CCDC88A: variants seen among roughly 807,000 people sequenced by gnomAD.
The protein encoded by CCDC88A is coiled-coil and HOOK domain protein 88A, also known as girdin.
A neutral mutation model predicts 234.3 loss-of-function variants in CCDC88A; 54 were observed. That is an observed-to-expected ratio of 0.23 (90% CI 0.19 to 0.29). The LOEUF (loss-of-function observed/expected upper bound fraction) is 0.29. CCDC88A is among the 10% of genes least tolerant of loss of function. CCDC88A has a pLI of 1.00. For synonymous variants in CCDC88A, 753 were observed against 737.8 expected (o/e 1.02, Z -0.33); for missense variants, 1,832 against 2,123.4 (o/e 0.86, Z 2.70).
In CCDC88A at chr2:55,296,269, T is replaced by G. The variant is rs867493115; in HGVS notation, c.5080A>C (p.Thr1694Pro). 9 of 1,614,026 alleles carry G rather than the reference T, an allele frequency of 5.6e-6. 1 individual carries two copies. The Middle Eastern group carries it at 1.5e-3, about 266-fold the overall frequency. The stretch of plus-strand genomic sequence containing the variant: ...TAGATAAAACTAACCTGTACTGAGG[T>G]AAGCTTATTGCTTTCTTCCAAAAAC... ...QQFLEESNKL[T>P]SVQIKSSSQE... is the part of the protein sequence containing the mutation. Residue 1694 changes from threonine to proline, a missense_variant, in exon 30 of 33, where the codon ACC becomes CCC. Coordinates refer to ENST00000436346, the MANE Select transcript of CCDC88A (RefSeq NM_001365480.1).
chr2:55,337,023 T>C, intron 13 of CCDC88A: 2 of 403,994 alleles, frequency 5.0e-6, no homozygotes, highest in Non-Finnish European at 4.3e-6. Flanking sequence ...TTTCTTATCC[T>C]TGTGCATCTT....
At chr2:55,303,995 G>C (rs895536951) in intron 25 of CCDC88A, among the ~76,000 whole-genome samples, 4 of 152,184 alleles carry the variant, frequency 2.6e-5, no homozygotes. Context: ...GTGCCCAGGG[G>C]ATGTTTAAAA....
rs79561130 is a variant in CCDC88A at position 55,302,970 on chromosome 2, A to G, written c.4471+99T>C. 1.6e-3 allele frequency: 1,289 copies of G among 825,046 alleles called. 4 individuals carry two copies. The highest frequency in any genetic ancestry group is 2.4e-3 in the Non-Finnish European group (1,169 of 494,464). The allele number at this position is 825,046 out of a possible 1,614,324, so 51.1% of individuals were successfully genotyped here. A position where few individuals can be genotyped will look rare whatever the true frequency, so the allele number is the denominator to read the frequency against. On this transcript the variant is annotated intron_variant, in intron 26 of 32. Transcript: ENST00000436346. ...TTAGAGGAAGACTGACCTCTGCAAA[A>G]TAAGGAAATTGGCACAGTCCAGAGA... is the stretch of plus-strand genomic sequence containing the variant.
At chr2:55,394,291 A>G (rs1208716147) in intron 2 of CCDC88A, 2 of 152,160 alleles carry the variant, frequency 1.3e-5, no homozygotes, top group Admixed American at 6.5e-5. Flanking sequence ...ATAGTATTCC[A>G]TGGTGTATAT....
intron 17 of CCDC88A, among the ~76,000 whole-genome samples, chr2:55,326,733 G>A (rs1684315370): frequency 6.6e-6 from 1 of 152,070 alleles, no homozygotes; most frequent in Non-Finnish European, 1.5e-5. Context: ...CGCCTGGCTG[G>A]CTAATTTTTG....
chr2:55,416,427 AATAAATAAATAAATAAAT>A (rs141395495), intron 2 of CCDC88A, among the ~76,000 whole-genome samples: 2,984 of 43,576 alleles, frequency 0.068, 331 homozygotes, highest in African/African-American at 0.11. Context: ...GAAGAGGTCA[AATAAATAAATAAATAAAT>A]ATATATATAT....
intron 8 of CCDC88A, among the ~76,000 whole-genome samples, chr2:55,350,784 G>A (rs914707331): frequency 6.6e-6 from 1 of 151,700 alleles, no homozygotes; most frequent in African/African-American, 2.4e-5. Context: ...CTCAGCGTCC[G>A]GAATAGCTGG....
At chr2:55,368,786 T>C (rs1006386155) in intron 5 of CCDC88A, among the ~76,000 whole-genome samples, 44 of 152,352 alleles carry the variant, frequency 2.9e-4, no homozygotes, top group African/African-American at 1.0e-3. Flanking sequence ...ATTTACATAT[T>C]AGAATTTTAA....
At position 55,419,414 on chromosome 2, in the gene CCDC88A, C is replaced by G; in HGVS notation, c.-335G>C. ...AAGACAAAAAGCCCGTCAAGGTTGT[C>G]CAGCTCCTGGAGGATCCAGACCAGC... On this transcript the variant is annotated 5_prime_UTR_variant, in exon 1 of 33. Coordinates refer to ENST00000436346, the MANE Select transcript of CCDC88A (RefSeq NM_001365480.1). 1 of 312,130 alleles carries G rather than the reference C, an allele frequency of 3.2e-6. No homozygotes were observed. Among genetic ancestry groups the G allele is most frequent in the South Asian group, 3.4e-5 (1 of 29,136 alleles). 19.3% of individuals were successfully genotyped at this position (312,130 alleles called of 1,614,324 possible).
chr2:55,389,675 T>C (rs1318436642), intron 2 of CCDC88A, among the ~76,000 whole-genome samples: 1 of 152,174 alleles, frequency 6.6e-6, no homozygotes, highest in Non-Finnish European at 1.5e-5. Flanking sequence ...GACCCCTTTG[T>C]AATCTTAATT....
At position 55,336,142 on chromosome 2, in the gene CCDC88A, T is replaced by C. The variant is rs537195519; in HGVS notation, c.1656+539A>G. Among the ~76,000 whole-genome samples, 14 of 152,180 alleles carry C rather than the reference T, an allele frequency of 9.2e-5. 1 individual carries two copies. In the South Asian group the frequency reaches 2.1e-3, roughly 22 times the overall value. ...CTAGGTGTTCGAGGTTGCAGTAAGC[T>C]ATGATTGTGCCACTGCACTCCAGCA... On this transcript the variant is annotated intron_variant, in intron 14 of 32. Coordinates refer to ENST00000436346, the MANE Select transcript of CCDC88A (RefSeq NM_001365480.1).
chr2:55,347,839 T>C (rs915116806), intron 9 of CCDC88A, among the ~76,000 whole-genome samples: 16 of 152,112 alleles, frequency 1.1e-4, no homozygotes, highest in African/African-American at 3.9e-4. Context: ...CTTCAATTCC[T>C]GGCCTCAAGT....
intron 3 of CCDC88A, among the ~76,000 whole-genome samples, chr2:55,387,779 CAAA>C (rs66479611): frequency 3.1e-5 from 2 of 64,850 alleles, no homozygotes; most frequent in Middle Eastern, 8.8e-3. Context: ...GGCTCCATCT[CAAA>C]AAAAAAAAAA....
At chr2:55,411,341 G>T (rs563528313) in intron 2 of CCDC88A, among the ~76,000 whole-genome samples, 1 of 151,976 alleles carries the variant, frequency 6.6e-6, no homozygotes, top group Non-Finnish European at 1.5e-5. Flanking sequence ...AATACTCTCA[G>T]GTATAACAAC....
At position 55,384,502 on chromosome 2, in the gene CCDC88A, TGAA is replaced by T. The variant is rs200012467; in HGVS notation, c.273+4273_273+4275del. Reference sequence around the variant, plus strand: ...TTTAATTATATATTTAATTATATATTGAATATTATATATAAATTATATATATAT... The same window carrying T: ...TTTAATTATATATTTAATTATATATTTATTATATATAAATTATATATATAT... On this transcript the variant is annotated intron_variant, in intron 3 of 32. Coordinates refer to ENST00000436346, the MANE Select transcript of CCDC88A (RefSeq NM_001365480.1). 8.6e-4 allele frequency among the ~76,000 whole-genome samples: 113 copies of T among 131,320 alleles called. 2 individuals are homozygous for T. The highest frequency in any genetic ancestry group is 3.5e-3 in the African/African-American group (106 of 30,150). The allele number at this position is 131,320 out of a possible 152,430, so 86.2% of individuals were successfully genotyped here.
At chr2:55,401,747 C>A (rs924623046) in intron 2 of CCDC88A, among the ~76,000 whole-genome samples, 3 of 151,688 alleles carry the variant, frequency 2.0e-5, no homozygotes, top group Admixed American at 2.0e-4. Context: ...CAGACACAGC[C>A]TTTCATGTTT....
chr2:55,380,061 TAAAAAAAAA>T (rs57314271), intron 3 of CCDC88A, among the ~76,000 whole-genome samples: 2 of 75,368 alleles, frequency 2.7e-5, no homozygotes, highest in African/African-American at 5.6e-5. Context: ...CTGTCTCTAC[TAAAAAAAAA>T]AAAAAAAAAA....
intron 9 of CCDC88A, among the ~76,000 whole-genome samples, chr2:55,346,702 A>G (rs6710128): frequency 0.061 from 9,238 of 152,176 alleles, 892 homozygotes; most frequent in African/African-American, 0.2. Context: ...TTACAGGCGT[A>G]AGCCACCGCA....
intron 8 of CCDC88A, among the ~76,000 whole-genome samples, chr2:55,355,144 A>G (rs1278240043): frequency 1.3e-5 from 2 of 152,008 alleles, no homozygotes; most frequent in Non-Finnish European, 2.9e-5. Context: ...ATACAAAACT[A>G]TTTTTTGTTA....
Sources: allele counts gnomAD v4.1 joint callset (sites outside exome capture counted in the v4.1 genomes callset), GRCh38; gene constraint gnomAD v4.1.1; transcripts MANE v1.5; gene names NCBI Gene and HGNC (gene_info 2026-07-23, HGNC 2026-07-21).